Variants in FBXL20 observed in about 807,000 individuals in gnomAD.
FBXL20 encodes F-box/LRR-repeat protein 20.
FBXL20 carries 11 observed loss-of-function variants against 64.0 expected under a neutral mutation model. That is an observed-to-expected ratio of 0.17 (90% CI 0.11 to 0.28). The LOEUF (loss-of-function observed/expected upper bound fraction) is 0.28. Ranked by LOEUF, FBXL20 falls within the 10% of genes least tolerant of loss-of-function variation. The pLI is 1.00. For synonymous variants in FBXL20, 184 were observed against 189.0 expected, an observed-to-expected ratio of 0.97 and a Z score of 0.22; for missense variants, 303 against 526.2, an observed-to-expected ratio of 0.58 and a Z score of 4.15.
intron 2 of FBXL20, among the ~76,000 whole-genome samples, chr17:39,342,628 A>G (rs1302430255): frequency 6.6e-6 from 1 of 151,970 alleles, no homozygotes; most frequent in Non-Finnish European, 1.5e-5. Flanking sequence ...GAGGCAGGAG[A>G]ATGGCGTGAA....
rs1400322559 is a variant in FBXL20 at position 39,271,018 on chromosome 17, C to CAA, written c.828-163_828-162insTT. 2.6e-5 allele frequency among the ~76,000 whole-genome samples: 4 copies of CAA among 152,182 alleles called. No homozygotes were observed. The East Asian group carries it at 7.7e-4, about 29-fold the overall frequency. On this transcript the variant is annotated intron_variant, in intron 10 of 14. Coordinates refer to ENST00000264658, the MANE Select transcript of FBXL20 (RefSeq NM_032875.3). ...AAGCAAGTCTGTATACAGATCTTGC[C>CAA]ATTCATTTTCATGGAGTCATCATAA...
At chr17:39,342,490 C>G (rs531951654) in intron 2 of FBXL20, among the ~76,000 whole-genome samples, 1 of 151,962 alleles carries the variant, frequency 6.6e-6, no homozygotes, top group East Asian at 1.9e-4. Flanking sequence ...CCAAAGTAGG[C>G]AGATCACGAG....
chr17:39,301,076 C>T lies in FBXL20; in HGVS notation c.160-1G>A. ...CATCCAGAGCCAGAACATTCCAGGCCTATTTTAAAGAAAAAGAGACAGAAT... is the reference window on the plus strand; with the variant it reads ...CATCCAGAGCCAGAACATTCCAGGCTTATTTTAAAGAAAAAGAGACAGAAT... On this transcript the variant is annotated splice_acceptor_variant, in intron 3 of 14. Transcript: ENST00000264658. LOFTEE classifies it high-confidence loss of function. 6.2e-7 allele frequency: 1 copy of T among 1,613,168 alleles called. No homozygotes were observed. Among genetic ancestry groups the T allele is most frequent in the Non-Finnish European group, 8.5e-7 (1 of 1,179,746 alleles).
At chr17:39,329,128 T>C (rs1022721272) in intron 2 of FBXL20, among the ~76,000 whole-genome samples, 1 of 152,054 alleles carries the variant, frequency 6.6e-6, no homozygotes, top group Non-Finnish European at 1.5e-5. Flanking sequence ...AAAAGTAACA[T>C]GACAACGAAA....
At chr17:39,373,349 T>C (rs1248762867) in intron 1 of FBXL20, among the ~76,000 whole-genome samples, 1 of 152,188 alleles carries the variant, frequency 6.6e-6, no homozygotes, top group Non-Finnish European at 1.5e-5. Context: ...TCTGAACAAG[T>C]GTTCTCCATT....
At chr17:39,308,227 C>G (rs1347918692) in intron 2 of FBXL20, among the ~76,000 whole-genome samples, 3 of 151,922 alleles carry the variant, frequency 2.0e-5, no homozygotes, top group African/African-American at 7.3e-5. Context: ...ATCTACCCAC[C>G]TTGGCCTCCC....
At chr17:39,341,332 TAA>T (rs1233223395) in intron 2 of FBXL20, among the ~76,000 whole-genome samples, 7 of 152,310 alleles carry the variant, frequency 4.6e-5, no homozygotes, top group Admixed American at 3.9e-4. Context: ...ATAATGTATA[TAA>T]GAGTTATTCC....
intron 12 of FBXL20, among the ~76,000 whole-genome samples, chr17:39,268,468 TA>T (rs1387335232): frequency 6.6e-6 from 1 of 152,220 alleles, no homozygotes; most frequent in Admixed American, 6.5e-5. Flanking sequence ...GCCAGGGATC[TA>T]GGATACAGCA....
intron 6 of FBXL20, among the ~76,000 whole-genome samples, chr17:39,288,291 A>G (rs1479484445): frequency 6.6e-6 from 1 of 151,894 alleles, no homozygotes; most frequent in Non-Finnish European, 1.5e-5. Context: ...TCTTATGCTT[A>G]TTTGCCATTC....
intron 1 of FBXL20, among the ~76,000 whole-genome samples, chr17:39,386,978 T>C (rs1363130109): frequency 6.6e-6 from 1 of 152,202 alleles, no homozygotes; most frequent in African/African-American, 2.4e-5. Context: ...TAAAACTGTA[T>C]GCTTGCTAGG....
chr17:39,292,972 T>C (rs1210185358), intron 6 of FBXL20, among the ~76,000 whole-genome samples: 1 of 152,004 alleles, frequency 6.6e-6, no homozygotes, highest in African/African-American at 2.4e-5. Context: ...TTTGTATTTT[T>C]AGTAGAGACG....
chr17:39,286,698 T>C (rs1052176169), intron 6 of FBXL20, among the ~76,000 whole-genome samples: 2 of 151,650 alleles, frequency 1.3e-5, no homozygotes, highest in African/African-American at 4.8e-5. Context: ...CTTGGAAGGC[T>C]GAGGCAGAAG....
intron 1 of FBXL20, among the ~76,000 whole-genome samples, chr17:39,377,613 G>C (rs2047980256): frequency 6.6e-6 from 1 of 151,490 alleles, no homozygotes; most frequent in Non-Finnish European, 1.5e-5. Context: ...CCATTCTCCT[G>C]CCTCAGCCTC....
intron 2 of FBXL20, among the ~76,000 whole-genome samples, 165 bp downstream of exon 2, chr17:39,343,015 T>G (rs567524557): frequency 6.6e-6 from 1 of 152,196 alleles, no homozygotes; most frequent in African/African-American, 2.4e-5. Flanking sequence ...AATATCTTGA[T>G]TGACATCTAA....
intron 2 of FBXL20, among the ~76,000 whole-genome samples, chr17:39,318,513 G>A (rs1034549060): frequency 6.6e-6 from 1 of 152,124 alleles, no homozygotes; most frequent in Non-Finnish European, 1.5e-5. Context: ...GGCCAAGGCA[G>A]GCAGATCACC....
intron 1 of FBXL20, among the ~76,000 whole-genome samples, chr17:39,387,910 T>C (rs1164572417): frequency 1.3e-5 from 2 of 152,090 alleles, no homozygotes; most frequent in African/African-American, 2.4e-5. Context: ...ATACTTTCAA[T>C]TTATCATAGG....
chr17:39,256,995 C>CA lies in FBXL20; in HGVS notation c.*4464_*4465insT, dbSNP rs368153468. The CA allele has an allele frequency of 0.054, 8,084 of 148,522 alleles. 237 individuals carry two copies. The highest frequency in any genetic ancestry group is 0.079 in the Non-Finnish European group (5,290 of 67,054). The allele number at this position is 148,522 out of a possible 1,614,324, so 9.2% of individuals were successfully genotyped here. A position where few individuals can be genotyped will look rare whatever the true frequency, so the allele number is the denominator to read the frequency against. On this transcript the variant is annotated 3_prime_UTR_variant, in exon 15 of 15. Coordinates refer to ENST00000264658, the MANE Select transcript of FBXL20 (RefSeq NM_032875.3). ...GATGCATTTTTTTCTTTCTTTCTTTCTTTTTTTTTGAGATAGTCTCACTCT... is the reference window on the plus strand; with the variant it reads ...GATGCATTTTTTTCTTTCTTTCTTTCATTTTTTTTTGAGATAGTCTCACTCT...
intron 2 of FBXL20, among the ~76,000 whole-genome samples, chr17:39,339,561 T>C (rs927765076): frequency 2.6e-5 from 4 of 152,148 alleles, no homozygotes; most frequent in African/African-American, 9.7e-5. Flanking sequence ...AACAATTCAA[T>C]GTAACGTGCA....
intron 1 of FBXL20, among the ~76,000 whole-genome samples, chr17:39,367,725 A>T (rs1044587566): frequency 1.3e-5 from 2 of 151,900 alleles, no homozygotes; most frequent in East Asian, 1.9e-4. Flanking sequence ...ATATTTTAAA[A>T]TTTTCAATAA....
Sources: gnomAD v4.1 joint callset for allele counts (sites outside exome capture counted in the v4.1 genomes callset) on GRCh38, gnomAD v4.1.1 for gene constraint, MANE v1.5 for transcripts, NCBI Gene and HGNC (gene_info 2026-07-23, HGNC 2026-07-21) for gene names.